Variants in CLDN18 observed in about 807,000 individuals in gnomAD.
CLDN18 encodes the protein claudin 18.
Under a neutral mutation model 25.0 loss-of-function variants are expected in CLDN18, and 20 were observed. That is an observed-to-expected ratio of 0.80 (90% confidence interval 0.56 to 1.16). CLDN18 has a LOEUF of 1.16. CLDN18 is among the 50% of genes most tolerant of loss of function. The probability of loss-of-function intolerance (pLI) is 0.00; values close to 1 mark genes in which losing one functional copy is unlikely to be tolerated. For synonymous variants in CLDN18, 125 were observed against 135.6 expected (o/e 0.92, Z 0.54); for missense variants, 297 against 345.4 (o/e 0.86, Z 1.11).
At chr3:138,003,386 T>C (rs1174169073) in intron 1 of CLDN18, among the ~76,000 whole-genome samples, 1 of 152,136 alleles carries the variant, frequency 6.6e-6, no homozygotes, top group Non-Finnish European at 1.5e-5. Flanking sequence ...ACAACAGATA[T>C]GAATTACCCA....
At position 138,032,198 on chromosome 3, in the gene CLDN18, T is replaced by G. The variant is rs1342306865; in HGVS notation, c.*1057T>G. Reference sequence around the variant, plus strand: ...ACTTTGGGAGGCTGAGGAGGAAGGATCACTTGAGCCCAGAAGTTCGAGACT... The same window carrying G: ...ACTTTGGGAGGCTGAGGAGGAAGGAGCACTTGAGCCCAGAAGTTCGAGACT... On this transcript the variant is annotated 3_prime_UTR_variant, in exon 5 of 5. Coordinates refer to ENST00000183605, the MANE Select transcript of CLDN18 (RefSeq NM_016369.4). The G allele has an allele frequency of 6.6e-6, 1 of 152,238 alleles. No homozygotes were observed. Among genetic ancestry groups the G allele is most frequent in the Non-Finnish European group, 1.5e-5 (1 of 68,118 alleles). 9.4% of individuals were successfully genotyped at this position (152,238 alleles called of 1,614,324 possible). A position where few individuals can be genotyped will look rare whatever the true frequency, so the allele number is the denominator to read the frequency against.
chr3:138,003,114 G>A (rs564359271), intron 1 of CLDN18, among the ~76,000 whole-genome samples: 1 of 152,106 alleles, frequency 6.6e-6, no homozygotes, highest in Admixed American at 6.5e-5. Flanking sequence ...CTTTTCTGTG[G>A]GAGCCTCTCC....
intron 3 of CLDN18, among the ~76,000 whole-genome samples, chr3:138,028,777 T>C (rs1357721027): frequency 1.3e-5 from 2 of 152,228 alleles, no homozygotes; most frequent in Non-Finnish European, 2.9e-5. Context: ...TCTGATGTAA[T>C]TGAGTCCCAT....
At chr3:138,012,233 T>C (rs1446448044) in intron 1 of CLDN18, among the ~76,000 whole-genome samples, 2 of 152,192 alleles carry the variant, frequency 1.3e-5, no homozygotes, top group Non-Finnish European at 2.9e-5. Flanking sequence ...CCTTAACCTT[T>C]CTCAGTCTGG....
At chr3:138,007,200 T>C, upstream of CLDN18, among the ~76,000 whole-genome samples, 1 of 152,212 alleles carries the variant, frequency 6.6e-6, no homozygotes, top group Non-Finnish European at 1.5e-5. Context: ...TTACTGGGTA[T>C]ATACCCAAAG....
upstream of CLDN18, among the ~76,000 whole-genome samples, chr3:138,008,249 G>T (rs569961391): frequency 6.6e-6 from 1 of 151,862 alleles, no homozygotes; most frequent in Non-Finnish European, 1.5e-5. Flanking sequence ...GTGGGGGTGT[G>T]TGTGGGTGTG....
chr3:137,999,735 G>T (rs914663569), intron 1 of CLDN18, among the ~76,000 whole-genome samples: 1 of 152,196 alleles, frequency 6.6e-6, no homozygotes, highest in African/African-American at 2.4e-5. Flanking sequence ...GCGCTGCCAT[G>T]CAGGGAAAGG....
rs1419067222 is a variant in CLDN18 at position 138,024,592 on chromosome 3, T to C, written c.386-15T>C. The C allele has an allele frequency of 5.2e-6, 8 of 1,551,956 alleles. No homozygotes were observed. The highest frequency in any genetic ancestry group is 7.1e-6 in the Non-Finnish European group (8 of 1,124,000). On this transcript the variant is annotated splice_polypyrimidine_tract_variant and intron_variant, in intron 2 of 4. Coordinates refer to ENST00000183605, the MANE Select transcript of CLDN18 (RefSeq NM_016369.4). ...TTGAAACTAACTCTGGAGTTTTCTT[T>C]TTCTTTGCCCACAGGTCTTTGTGCA...
upstream of CLDN18, among the ~76,000 whole-genome samples, chr3:138,006,065 C>T (rs1292166640): frequency 1.3e-5 from 2 of 152,024 alleles, no homozygotes; most frequent in Non-Finnish European, 2.9e-5. Context: ...TAAAAAAATA[C>T]ATACAGATAA....
At chr3:137,999,655 A>G (rs915592257) in intron 1 of CLDN18, among the ~76,000 whole-genome samples, 7 of 152,218 alleles carry the variant, frequency 4.6e-5, no homozygotes, top group Non-Finnish European at 1.0e-4. Context: ...CCCGATCTCC[A>G]GAAAATATTG....
intron 2 of CLDN18, 65 bp downstream of exon 2, chr3:138,023,887 A>G: frequency 6.7e-7 from 1 of 1,503,408 alleles, no homozygotes; most frequent in Non-Finnish European, 9.1e-7. Context: ...TGGTAGAGAA[A>G]ACATGACTCC....
chr3:138,027,666 AG>A (rs1001831442), intron 3 of CLDN18, among the ~76,000 whole-genome samples: 2 of 152,232 alleles, frequency 1.3e-5, no homozygotes, highest in African/African-American at 2.4e-5. Context: ...AATATCAGTA[AG>A]GGCTTAATAA....
At position 138,029,906 on chromosome 3, in the gene CLDN18, A is replaced by G. The variant is rs756262218; in HGVS notation, c.613A>G (p.Asn205Asp). The G allele has an allele frequency of 7.0e-6, 11 of 1,565,202 alleles. No homozygotes were observed. Among genetic ancestry groups the G allele is most frequent in the Middle Eastern group, 3.3e-4 (2 of 6,010 alleles). ...CCGGGGCCTGGCACCAGAAGAAACC[A>G]AGTGAGTCTCCCTGTTCCGCTGCAA... is the stretch of plus-strand genomic sequence containing the variant. ...ACRGLAPEET[N>D]YKAVSYHASG... The change falls in exon 4 of 5, where the codon AAC (asparagine) becomes GAC (aspartate). Residue 205 changes from asparagine (N) to aspartate (D), a missense_variant and splice_region_variant. By Grantham distance (23) the Asn-to-Asp change is conservative. Transcript: ENST00000183605.
At chr3:138,005,079 A>C (rs931850145) in intron 1 of CLDN18, 4 of 152,192 alleles carry the variant, frequency 2.6e-5, no homozygotes, top group Non-Finnish European at 5.9e-5. Flanking sequence ...AATCCTTAAT[A>C]AATACATAGC....
At position 138,023,659 on chromosome 3, in the gene CLDN18, C is replaced by G. The variant is rs774747197; in HGVS notation, c.222C>G (p.Ala74=). 2 of 1,613,388 alleles carry G rather than the reference C, an allele frequency of 1.2e-6. No individual in the cohort carries two copies. Among genetic ancestry groups the G allele is most frequent in the Non-Finnish European group, 1.7e-6 (2 of 1,179,650 alleles). ...RPYFTILGLP[A]MLQAVRALMI... is the part of the protein sequence containing the mutation. ...TGTGTCTTGCCCCTTGTCCCACAGC[C>G]ATGCTGCAGGCAGTGCGAGCCCTGA... The change falls in exon 2 of 5, where the codon GCC becomes GCG. Residue 74 remains alanine, a splice_region_variant and synonymous_variant. Transcript: ENST00000183605.
At chr3:138,016,222 T>G (rs937059023) in intron 1 of CLDN18, among the ~76,000 whole-genome samples, 102 of 152,176 alleles carry the variant, frequency 6.7e-4, no homozygotes, top group African/African-American at 2.4e-3. Flanking sequence ...GGATAGAAGA[T>G]GGCAGAAACA....
At chr3:138,027,169 C>G (rs890382720) in intron 3 of CLDN18, among the ~76,000 whole-genome samples, 6 of 152,152 alleles carry the variant, frequency 3.9e-5, no homozygotes, top group Non-Finnish European at 7.3e-5. Flanking sequence ...TTACACTGGG[C>G]CCTCATTCTC....
At chr3:138,008,115 A>C (rs1009622282), upstream of CLDN18, among the ~76,000 whole-genome samples, 7 of 151,778 alleles carry the variant, frequency 4.6e-5, no homozygotes, top group African/African-American at 1.7e-4. Context: ...CAGTGGGAGC[A>C]GAGGCTGGGT....
chr3:138,030,263 G>A (rs1322730917), intron 4 of CLDN18, among the ~76,000 whole-genome samples: 1 of 152,248 alleles, frequency 6.6e-6, no homozygotes, highest in Non-Finnish European at 1.5e-5. Context: ...GGGGGAAAGT[G>A]ATACTGGCCT....
Sources: allele counts gnomAD v4.1 joint callset (sites outside exome capture counted in the v4.1 genomes callset), GRCh38; gene constraint gnomAD v4.1.1; transcripts MANE v1.5; gene names NCBI Gene and HGNC (gene_info 2026-07-23, HGNC 2026-07-21).